The following MYT1L variants were observed in gnomAD, a reference collection of about 807,000 sequenced individuals.
MYT1L encodes the protein myelin transcription factor 1 like.
In MYT1L, 12 loss-of-function variants were observed where a neutral mutation model predicts 126.7. The ratio of observed to expected loss-of-function variants is 0.09; its 90% confidence interval spans 0.06 to 0.15. MYT1L has a LOEUF of 0.15. Among genes scored for constraint, MYT1L ranks in the 10% least tolerant of loss-of-function variants. The pLI, the probability that MYT1L is intolerant of heterozygous loss-of-function variation, is 1.00. For missense variants in MYT1L, 979 were observed against 1,585.2 expected (o/e 0.62, Z 6.49); for synonymous variants, 541 against 604.2 (o/e 0.90, Z 1.53).
At chr2:1,973,801 C>T (rs2059976572) in intron 8 of MYT1L, among the ~76,000 whole-genome samples, 1 of 152,328 alleles carries the variant, frequency 6.6e-6, no homozygotes, top group South Asian at 2.1e-4. Flanking sequence ...CAGGTGTCTG[C>T]ATTAGGCAAT....
chr2:2,240,119 G>A (rs1173166674), intron 2 of MYT1L, among the ~76,000 whole-genome samples: 3 of 152,050 alleles, frequency 2.0e-5, no homozygotes, highest in Admixed American at 6.6e-5. Flanking sequence ...CCAACATGGT[G>A]AAACCCCATC....
At chr2:1,871,005 G>A (rs76437693) in intron 18 of MYT1L, among the ~76,000 whole-genome samples, 4,657 of 152,230 alleles carry the variant, frequency 0.031, 116 homozygotes, top group South Asian at 0.058. Context: ...CGGGATCCAC[G>A]AACAATTTTA....
intron 22 of MYT1L, among the ~76,000 whole-genome samples, chr2:1,803,150 G>A (rs1282906630): frequency 1.3e-5 from 2 of 151,526 alleles, no homozygotes; most frequent in African/African-American, 2.4e-5. Context: ...TTAGTGAAAC[G>A]AAAAAAAAGT....
chr2:2,189,373 G>A (rs34920454), intron 2 of MYT1L, among the ~76,000 whole-genome samples: 6,110 of 152,206 alleles, frequency 0.04, 159 homozygotes, highest in East Asian at 0.081. Context: ...CTGTGGGGTT[G>A]GATTATCTTC....
intron 8 of MYT1L, among the ~76,000 whole-genome samples, chr2:1,956,262 TTCTA>T (rs202147535): frequency 1.6e-4 from 22 of 139,106 alleles, no homozygotes; most frequent in Admixed American, 5.5e-4. Context: ...ATATTTCCTA[TTCTA>T]TCTGTCTATC....
At chr2:1,965,313 G>A (rs901861419) in intron 8 of MYT1L, among the ~76,000 whole-genome samples, 11 of 148,186 alleles carry the variant, frequency 7.4e-5, no homozygotes, top group South Asian at 2.2e-4. Context: ...GGGAAGAGGA[G>A]GACCCAGACT....
intron 2 of MYT1L, among the ~76,000 whole-genome samples, chr2:2,239,005 G>T (rs758380414): frequency 2.0e-5 from 3 of 152,224 alleles, no homozygotes; most frequent in Non-Finnish European, 2.9e-5. Flanking sequence ...GCTCCTGGGG[G>T]ACCCTGACCC....
intron 8 of MYT1L, among the ~76,000 whole-genome samples, chr2:1,969,198 G>C (rs1558578108): frequency 6.6e-6 from 1 of 152,172 alleles, no homozygotes; most frequent in Non-Finnish European, 1.5e-5. Context: ...GGACTACAGT[G>C]ATGCTGGGCC....
intron 5 of MYT1L, among the ~76,000 whole-genome samples, 195 bp downstream of exon 5, chr2:1,996,996 T>TCTTCTCTCCTA: frequency 7.5e-6 from 1 of 133,632 alleles, no homozygotes; most frequent in East Asian, 2.5e-4. Context: ...CTTTACCTAG[T>TCTTCTCTCCTA]GAGGGCCGCC....
chr2:2,265,351 C>T (rs535864982), intron 2 of MYT1L, among the ~76,000 whole-genome samples: 2 of 151,646 alleles, frequency 1.3e-5, no homozygotes, highest in East Asian at 3.9e-4. Flanking sequence ...ATAATGACAT[C>T]TACCTTTTAA....
intron 8 of MYT1L, among the ~76,000 whole-genome samples, chr2:1,956,440 A>G (rs1276261447): frequency 1.9e-5 from 2 of 103,178 alleles, no homozygotes; most frequent in Non-Finnish European, 3.9e-5. Context: ...CTATCTATCT[A>G]CCTATCATCT....
intron 4 of MYT1L, among the ~76,000 whole-genome samples, chr2:2,050,141 C>T (rs1318930302): frequency 1.3e-5 from 2 of 152,090 alleles, no homozygotes; most frequent in African/African-American, 4.8e-5. Flanking sequence ...ATCCATCTCA[C>T]TTGACCATTT....
intron 4 of MYT1L, among the ~76,000 whole-genome samples, chr2:2,037,239 T>C (rs1014115378): frequency 6.6e-6 from 1 of 152,232 alleles, no homozygotes; most frequent in Non-Finnish European, 1.5e-5. Context: ...TGTCTGTCTG[T>C]TGGTTTCTGC....
intron 2 of MYT1L, among the ~76,000 whole-genome samples, chr2:2,237,051 T>C (rs2094339508): frequency 6.6e-6 from 1 of 152,230 alleles, no homozygotes; most frequent in African/African-American, 2.4e-5. Flanking sequence ...CGACCTCAGG[T>C]GATCCATTCA....
chr2:1,818,572 C>T (rs1477946200), intron 21 of MYT1L, among the ~76,000 whole-genome samples: 1 of 152,174 alleles, frequency 6.6e-6, no homozygotes, highest in Non-Finnish European at 1.5e-5. Flanking sequence ...GACGGAGCAT[C>T]TCCTCAATAA....
intron 3 of MYT1L, among the ~76,000 whole-genome samples, chr2:2,132,584 G>A (rs1348355724): frequency 6.7e-6 from 1 of 148,386 alleles, no homozygotes; most frequent in African/African-American, 2.5e-5. Flanking sequence ...GGGGGTGGGG[G>A]CAAGGGGAGG....
rs1184294902 is a variant in MYT1L, at chr2:2,059,653, C to A, written c.-303-5530G>T. Among the ~76,000 whole-genome samples the A allele has an allele frequency of 6.6e-6, 1 of 152,334 alleles. No individual in the cohort carries two copies. Among genetic ancestry groups the A allele is most frequent in the African/African-American group, 2.4e-5 (1 of 41,582 alleles). ...TGGGTGACATTTCTATGAAAAATTT[C>A]TCTCTGAAAGTCCTTAATTATGTCT... On this transcript the variant is annotated intron_variant, in intron 3 of 24. Transcript: ENST00000647738. The surrounding 1 kb of genome is among the most constrained non-coding windows in gnomAD (Gnocchi z 4.7).
At chr2:2,143,922 C>T (rs558941931) in intron 3 of MYT1L, among the ~76,000 whole-genome samples, 1 of 129,832 alleles carries the variant, frequency 7.7e-6, no homozygotes, top group African/African-American at 2.9e-5. Flanking sequence ...GGATACTCGT[C>T]GGCATAAAGA....
intron 3 of MYT1L, among the ~76,000 whole-genome samples, chr2:2,106,825 G>C (rs770356049): frequency 6.6e-6 from 1 of 152,126 alleles, no homozygotes; most frequent in Non-Finnish European, 1.5e-5. Context: ...TGTCCAAGGT[G>C]GTGGTTACTA....
Sources: allele counts gnomAD v4.1 joint callset (sites outside exome capture counted in the v4.1 genomes callset), GRCh38; gene constraint gnomAD v4.1.1; non-coding constraint Gnocchi (gnomAD v3.1); transcripts MANE v1.5; gene names NCBI Gene and HGNC (gene_info 2026-07-23, HGNC 2026-07-21).